PXYLP1: variants seen among roughly 807,000 people sequenced by gnomAD.
PXYLP1 encodes the protein 2-phosphoxylose phosphatase 1.
In PXYLP1, 17 loss-of-function variants were observed where a neutral mutation model predicts 37.9. The observed-to-expected ratio is 0.45, with a 90% CI of 0.31 to 0.67. The LOEUF is 0.67. PXYLP1 is among the 30% of genes least tolerant of loss of function. PXYLP1 has a pLI of 0.07. For missense variants in PXYLP1, 511 were observed against 612.0 expected, an observed-to-expected ratio of 0.84 and a Z score of 1.74; for synonymous variants, 221 against 232.2, an observed-to-expected ratio of 0.95 and a Z score of 0.44.
At chr3:141,250,399 C>T (rs1445440795) in intron 1 of PXYLP1, among the ~76,000 whole-genome samples, 1 of 152,216 alleles carries the variant, frequency 6.6e-6, no homozygotes. Flanking sequence ...ACAAACATCC[C>T]CTTGCTCACT....
intron 2 of PXYLP1, among the ~76,000 whole-genome samples, chr3:141,272,032 T>C (rs772460377): frequency 2.0e-5 from 3 of 152,202 alleles, no homozygotes; most frequent in Non-Finnish European, 2.9e-5. Flanking sequence ...GGAGCTTGCA[T>C]ACAGCAGTTT....
intron 1 of PXYLP1, among the ~76,000 whole-genome samples, chr3:141,258,193 G>A (rs1411948813): frequency 6.6e-6 from 1 of 152,184 alleles, no homozygotes; most frequent in South Asian, 2.1e-4. Context: ...GAAACCGGGG[G>A]TGGATGATTC....
At position 141,278,350 on chromosome 3, in the gene PXYLP1, A is replaced by C; in HGVS notation, c.88A>C (p.Ile30Leu). The stretch of plus-strand genomic sequence containing the variant: ...GCCTTACTTCGTTTCAGTCCACCTG[A>C]TCCCGGTGTCGACTCCTAAGAATGG... ...VSLSLQFFHL[I>L]PVSTPKNGMS... The change falls in exon 3 of 6, where the codon ATC becomes CTC. Residue 30 changes from isoleucine to leucine, a missense_variant. Ile to Leu is a conservative substitution (Grantham distance 5). Transcript: ENST00000286353. The C allele has an allele frequency of 6.2e-7, 1 of 1,614,128 alleles. No individual in the cohort carries two copies. Among genetic ancestry groups the C allele is most frequent in the Non-Finnish European group, 8.5e-7 (1 of 1,180,014 alleles).
intron 2 of PXYLP1, among the ~76,000 whole-genome samples, chr3:141,275,877 T>G (rs1941781997): frequency 6.6e-6 from 1 of 152,180 alleles, no homozygotes; most frequent in Non-Finnish European, 1.5e-5. Context: ...CATTAATATG[T>G]GCTTACTATA....
At chr3:141,262,779 A>G in intron 2 of PXYLP1, 2 of 1,217,602 alleles carry the variant, frequency 1.6e-6, no homozygotes, top group Non-Finnish European at 2.3e-6. Context: ...TAATTGCTCC[A>G]TTTATTTAAT....
intron 3 of PXYLP1, among the ~76,000 whole-genome samples, chr3:141,278,773 A>G (rs1428053859): frequency 6.6e-6 from 1 of 152,224 alleles, no homozygotes; most frequent in East Asian, 1.9e-4. Flanking sequence ...TGCCATCATC[A>G]TGATCTTTAG....
chr3:141,288,632 G>T (rs932939954), intron 5 of PXYLP1, among the ~76,000 whole-genome samples: 1 of 152,212 alleles, frequency 6.6e-6, no homozygotes, highest in African/African-American at 2.4e-5. Context: ...GGTGCCTCAT[G>T]CCTGTAATCC....
rs1022655126 is a variant in PXYLP1, at chr3:141,294,772, A to C, written c.*1567A>C. Reference sequence around the variant, plus strand: ...TTTAAAATTTTATTTTAACTGCTTTACTAACTGCTGAAAGTTGTGTTATCT... The same window carrying C: ...TTTAAAATTTTATTTTAACTGCTTTCCTAACTGCTGAAAGTTGTGTTATCT... On this transcript the variant is annotated 3_prime_UTR_variant, in exon 6 of 6. Coordinates refer to ENST00000286353, the MANE Select transcript of PXYLP1 (RefSeq NM_001037172.3). 3.9e-5 allele frequency: 6 copies of C among 152,334 alleles called. No individual in the cohort carries two copies. Among genetic ancestry groups the C allele is most frequent in the African/African-American group, 1.4e-4 (6 of 41,576 alleles). 9.4% of individuals were successfully genotyped at this position (152,334 alleles called of 1,614,324 possible).
chr3:141,232,664 G>T (rs1276802988), intron 1 of PXYLP1, among the ~76,000 whole-genome samples: 1 of 151,604 alleles, frequency 6.6e-6, no homozygotes, highest in Non-Finnish European at 1.5e-5. Flanking sequence ...AGCTGGGTTT[G>T]TCACACACAC....
At chr3:141,274,583 C>A in intron 2 of PXYLP1, 1 of 948,460 alleles carries the variant, frequency 1.1e-6, no homozygotes, top group Non-Finnish European at 1.6e-6. Context: ...TGAGATATTT[C>A]ATCAAAAGCA....
At chr3:141,284,063 A>T (rs936289238) in intron 4 of PXYLP1, among the ~76,000 whole-genome samples, 2 of 152,150 alleles carry the variant, frequency 1.3e-5, no homozygotes, top group African/African-American at 4.8e-5. Context: ...GGATATAATT[A>T]TGTCTGCATT....
intron 1 of PXYLP1, among the ~76,000 whole-genome samples, chr3:141,242,176 T>A (rs1240589331): frequency 1.3e-5 from 2 of 152,184 alleles, no homozygotes; most frequent in Admixed American, 1.3e-4. Flanking sequence ...GTACTGGTTG[T>A]GCTTGTTACT....
intron 1 of PXYLP1, chr3:141,258,269 A>C (rs941439519): frequency 2.0e-5 from 3 of 152,334 alleles, no homozygotes; most frequent in African/African-American, 7.2e-5. Flanking sequence ...TTTGCACCAG[A>C]GCTGCAGAGG....
At chr3:141,269,862 G>C (rs1320996598) in intron 2 of PXYLP1, among the ~76,000 whole-genome samples, 1 of 152,224 alleles carries the variant, frequency 6.6e-6, no homozygotes, top group East Asian at 1.9e-4. Flanking sequence ...CCCTGTTAGG[G>C]TAAGGCCAGT....
At chr3:141,245,311 C>T (rs1390481268) in intron 1 of PXYLP1, among the ~76,000 whole-genome samples, 1 of 152,130 alleles carries the variant, frequency 6.6e-6, no homozygotes, top group African/African-American at 2.4e-5. Flanking sequence ...AGGTAATCCA[C>T]ACGCCTTGGC....
chr3:141,292,912 C>A lies in PXYLP1; in HGVS notation c.1150C>A (p.Pro384Thr), dbSNP rs114644481. The A allele has an allele frequency of 1.4e-5, 22 of 1,614,162 alleles. No homozygotes were observed. The East Asian group carries it at 4.7e-4, about 34-fold the overall frequency. Residue 384 changes from proline (P) to threonine (T), a missense_variant, in exon 6 of 6, where the codon CCA (proline) becomes ACA (threonine). Transcript: ENST00000286353. This position sits in a 1 kb window ranked among gnomAD's most constrained non-coding sequence, Gnocchi z 4.3. ...LYSAHDVTLSPVLSALGLSEA... is the reference protein window; with the variant it reads ...LYSAHDVTLSTVLSALGLSEA... ...CTCTGCTCATGATGTCACTCTGTCACCAGTTCTCAGTGCCTTGGGCCTTTC... is the reference window on the plus strand; with the variant it reads ...CTCTGCTCATGATGTCACTCTGTCAACAGTTCTCAGTGCCTTGGGCCTTTC...
chr3:141,260,509 G>A (rs1051722520), intron 2 of PXYLP1, among the ~76,000 whole-genome samples: 3 of 152,194 alleles, frequency 2.0e-5, no homozygotes, highest in African/African-American at 4.8e-5. Context: ...TTCACCAGAT[G>A]GAGACACTGA....
intron 1 of PXYLP1, among the ~76,000 whole-genome samples, chr3:141,238,407 A>C (rs958507958): frequency 5.9e-5 from 9 of 152,190 alleles, no homozygotes; most frequent in African/African-American, 2.2e-4. Context: ...GTCGACCAGA[A>C]AATCCTTCTG....
chr3:141,293,304 CT>C lies in PXYLP1; in HGVS notation c.*104del. 8.2e-7 allele frequency: 1 copy of C among 1,226,368 alleles called. No homozygotes were observed. Among genetic ancestry groups the C allele is most frequent in the Non-Finnish European group, 1.1e-6 (1 of 897,746 alleles). The allele number at this position is 1,226,368 out of a possible 1,614,324, so 76.0% of individuals were successfully genotyped here. ...TGTTACTAAGGGTAGAAGATTATTG[CT>C]TTTTAAAGGCTAAATATTGTTTGTG... On this transcript the variant is annotated 3_prime_UTR_variant, in exon 6 of 6. Coordinates refer to ENST00000286353, the MANE Select transcript of PXYLP1 (RefSeq NM_001037172.3).
Sources: allele counts gnomAD v4.1 joint callset (sites outside exome capture counted in the v4.1 genomes callset), GRCh38; gene constraint gnomAD v4.1.1; non-coding constraint Gnocchi (gnomAD v3.1); transcripts MANE v1.5; gene names NCBI Gene and HGNC (gene_info 2026-07-23, HGNC 2026-07-21).